Variants in EYA1 observed in about 807,000 individuals in gnomAD.
The protein encoded by EYA1 is protein phosphatase EYA1.
Under a neutral mutation model 82.0 loss-of-function variants are expected in EYA1, and 16 were observed. That is an observed-to-expected ratio of 0.20 (90% CI 0.13 to 0.30). The LOEUF (loss-of-function observed/expected upper bound fraction) is 0.30, where lower values mean the gene tolerates loss of function less well. Among genes scored for constraint, EYA1 ranks in the 10% least tolerant of loss-of-function variants. The pLI is 1.00. For missense variants in EYA1, 633 were observed against 730.7 expected (o/e 0.87, Z 1.54); for synonymous variants, 261 against 264.4 (o/e 0.99, Z 0.12).
At chr8:71,213,521 A>AT (rs1387229874) in intron 16 of EYA1, among the ~76,000 whole-genome samples, 3 of 152,370 alleles carry the variant, frequency 2.0e-5, no homozygotes, top group African/African-American at 7.2e-5. Context: ...AGCACATAAA[A>AT]GTTCTGGTTA....
intron 2 of EYA1, among the ~76,000 whole-genome samples, chr8:71,489,028 T>A (rs1007281432): frequency 6.6e-6 from 1 of 152,236 alleles, no homozygotes; most frequent in Non-Finnish European, 1.5e-5. Context: ...TACCATCTCT[T>A]CCTGATGGAG....
At chr8:71,530,994 T>C (rs1814223188) in intron 2 of EYA1, 1 of 152,226 alleles carries the variant, frequency 6.6e-6, no homozygotes, top group Admixed American at 6.5e-5. Context: ...ATGCTCCTTT[T>C]AGAGTCTTAG....
intron 1 of EYA1, among the ~76,000 whole-genome samples, chr8:71,357,153 C>T (rs1393134467): frequency 6.6e-6 from 1 of 152,210 alleles, no homozygotes; most frequent in East Asian, 1.9e-4. Flanking sequence ...ACAATGTGCT[C>T]ATTTACCCTC....
intron 2 of EYA1, among the ~76,000 whole-genome samples, chr8:71,467,934 T>C (rs1808897853): frequency 6.6e-6 from 1 of 152,134 alleles, no homozygotes; most frequent in Admixed American, 6.6e-5. Context: ...TTCACAGATA[T>C]CACATTGAAT....
rs1220475742 is a variant in EYA1, at chr8:71,225,419, C to G, written c.1141-8396G>C. The G allele has an allele frequency of 2.9e-5, 11 of 384,798 alleles. No individual in the cohort carries two copies. In the Admixed American group the frequency reaches 3.3e-4, roughly 12 times the overall value. 23.8% of individuals were successfully genotyped at this position (384,798 alleles called of 1,614,324 possible). ...TGACCTCCTATTTCCCTGGCCTTCA[C>G]ACCATGATGCTTCCTTGCAGAAAAA... On this transcript the variant is annotated intron_variant, in intron 12 of 17. Transcript: ENST00000340726.
intron 2 of EYA1, among the ~76,000 whole-genome samples, chr8:71,452,987 T>C (rs1263725181): frequency 6.6e-6 from 1 of 152,128 alleles, no homozygotes; most frequent in African/African-American, 2.4e-5. Flanking sequence ...AAGGAGGAAG[T>C]ACAAACTCAT....
chr8:71,405,583 C>T (rs565337267), intron 2 of EYA1, among the ~76,000 whole-genome samples: 21 of 152,136 alleles, frequency 1.4e-4, no homozygotes, highest in Non-Finnish European at 2.9e-4. Flanking sequence ...ATGTCTGGTA[C>T]ACAAAAGGTA....
intron 2 of EYA1, among the ~76,000 whole-genome samples, chr8:71,395,241 G>A (rs1829524195): frequency 6.6e-6 from 1 of 152,180 alleles, no homozygotes; most frequent in Admixed American, 6.6e-5. Flanking sequence ...TTGCAAACAG[G>A]GACAATTTGA....
Position 71,262,275 on chromosome 8 carries a change from ATTC to A in EYA1, c.1050+7462_1050+7464del, listed in dbSNP as rs1368294308. 3.9e-5 allele frequency among the ~76,000 whole-genome samples: 6 copies of A among 152,178 alleles called. No individual in the cohort carries two copies. In the South Asian group the frequency reaches 6.2e-4, roughly 16 times the overall value. On this transcript the variant is annotated intron_variant, in intron 11 of 17. Transcript: ENST00000340726. ...CTGATCCAACACATTTTCTGCTACT[ATTC>A]TTCTTCAAGTCTAATCCCCTAAATA...
chr8:71,257,105 T>C (rs944577463), intron 11 of EYA1, among the ~76,000 whole-genome samples: 1 of 152,226 alleles, frequency 6.6e-6, no homozygotes, highest in South Asian at 2.1e-4. Context: ...AGGTGCTGAA[T>C]ACTATTTATT....
At chr8:71,519,418 C>G (rs1021739943) in intron 2 of EYA1, among the ~76,000 whole-genome samples, 1 of 151,946 alleles carries the variant, frequency 6.6e-6, no homozygotes, top group Non-Finnish European at 1.5e-5. Context: ...TTCATGTTCT[C>G]TTTTTTAAAA....
At chr8:71,225,226 T>C in intron 12 of EYA1, 1 of 456,278 alleles carries the variant, frequency 2.2e-6, no homozygotes, top group Non-Finnish European at 4.4e-6. Flanking sequence ...CAAATAGACC[T>C]CATGAAGAGC....
chr8:71,389,750 C>T (rs1397398744), intron 2 of EYA1, among the ~76,000 whole-genome samples: 1 of 152,164 alleles, frequency 6.6e-6, no homozygotes, highest in Non-Finnish European at 1.5e-5. Context: ...ACCTATTGGT[C>T]TCCAGTTACT....
intron 2 of EYA1, among the ~76,000 whole-genome samples, chr8:71,378,474 GTC>G (rs1489499182): frequency 2.0e-5 from 3 of 152,056 alleles, no homozygotes; most frequent in African/African-American, 7.2e-5. Context: ...AAATTAAACT[GTC>G]AGTAATAAAA....
intron 12 of EYA1, among the ~76,000 whole-genome samples, chr8:71,228,066 C>T (rs1158238111): frequency 1.3e-5 from 2 of 152,120 alleles, no homozygotes; most frequent in African/African-American, 4.8e-5. Context: ...GTAATTATTA[C>T]TGACTCCAGA....
intron 2 of EYA1, among the ~76,000 whole-genome samples, chr8:71,376,990 A>T (rs1363508944): frequency 6.6e-6 from 1 of 152,054 alleles, no homozygotes; most frequent in Non-Finnish European, 1.5e-5. Context: ...CCAGCCTGAT[A>T]TAAACATCCT....
chr8:71,245,057 C>T (rs767811561), intron 11 of EYA1, among the ~76,000 whole-genome samples: 8 of 152,228 alleles, frequency 5.3e-5, no homozygotes, highest in East Asian at 1.9e-4. Context: ...GGTTATGTTA[C>T]GCCACAATCC....
intron 9 of EYA1, among the ~76,000 whole-genome samples, chr8:71,292,303 AT>A (rs1819093899): frequency 2.0e-5 from 3 of 151,998 alleles, no homozygotes; most frequent in South Asian, 2.1e-4. Context: ...CTTCAAATTT[AT>A]TTTTCCCTTC....
At chr8:71,454,572 T>A (rs1807712433) in intron 2 of EYA1, among the ~76,000 whole-genome samples, 1 of 152,196 alleles carries the variant, frequency 6.6e-6, no homozygotes, top group African/African-American at 2.4e-5. Context: ...AAACTGTCTC[T>A]CAGACCACAG....
Sources: gnomAD v4.1 joint callset for allele counts (sites outside exome capture counted in the v4.1 genomes callset) on GRCh38, gnomAD v4.1.1 for gene constraint, MANE v1.5 for transcripts, NCBI Gene and HGNC (gene_info 2026-07-23, HGNC 2026-07-21) for gene names.